PPFIA2: variants seen among roughly 807,000 people sequenced by gnomAD.
PPFIA2 encodes the protein PPFI scaffold protein A2.
Under a neutral mutation model 175.5 loss-of-function variants are expected in PPFIA2, and 46 were observed. The observed-to-expected ratio is 0.26, with a 90% CI of 0.21 to 0.34. PPFIA2 has a LOEUF of 0.34. Ranked by LOEUF, PPFIA2 falls within the 10% of genes least tolerant of loss-of-function variation. PPFIA2 has a pLI of 1.00. For synonymous variants in PPFIA2, 568 were observed against 511.4 expected, an observed-to-expected ratio of 1.11 and a Z score of -1.49; for missense variants, 1,179 against 1,506.1, an observed-to-expected ratio of 0.78 and a Z score of 3.60.
At position 81,347,565 on chromosome 12, in the gene PPFIA2, T is replaced by C. The variant is rs1252146117; in HGVS notation, c.2200A>G (p.Arg734Gly). ...ATGACTCCCATCCGATCCATTTCCCTGGCAGGGCTTCGAGGGGTGAGCTTT... is the reference window on the plus strand; with the variant it reads ...ATGACTCCCATCCGATCCATTTCCCCGGCAGGGCTTCGAGGGGTGAGCTTT... ...TPKLTPRSPA[R>G]EMDRMGVMTL... Residue 734 changes from arginine (R) to glycine (G), a missense_variant, in exon 18 of 33, where the codon AGG becomes GGG. Transcript: ENST00000549396. The C allele has an allele frequency of 6.2e-7, 1 of 1,612,652 alleles. No individual in the cohort carries two copies. Among genetic ancestry groups the C allele is most frequent in the African/African-American group, 1.3e-5 (1 of 74,886 alleles).
At chr12:81,668,044 T>C (rs986851019) in intron 4 of PPFIA2, among the ~76,000 whole-genome samples, 2 of 152,080 alleles carry the variant, frequency 1.3e-5, no homozygotes, top group African/African-American at 2.4e-5. Context: ...TAGAGGATTC[T>C]TTGGAGGTCC....
chr12:81,347,463 C>G, intron 18 of PPFIA2, 70 bp downstream of exon 18: 2 of 1,297,378 alleles, frequency 1.5e-6, no homozygotes, highest in Non-Finnish European at 2.2e-6. Context: ...AACAAACACC[C>G]AGTTAAGTTT....
At chr12:81,676,418 T>C (rs1404863310) in intron 4 of PPFIA2, among the ~76,000 whole-genome samples, 1 of 152,052 alleles carries the variant, frequency 6.6e-6, no homozygotes, top group Non-Finnish European at 1.5e-5. Context: ...GAGTCAATAC[T>C]ATTTATCACA....
intron 4 of PPFIA2, among the ~76,000 whole-genome samples, chr12:81,499,633 T>C (rs1368503977): frequency 6.6e-6 from 1 of 151,810 alleles, no homozygotes; most frequent in Non-Finnish European, 1.5e-5. Flanking sequence ...AAGTATCATT[T>C]TCTCTATTTG....
At chr12:81,387,283 T>C (rs1444632928) in intron 8 of PPFIA2, among the ~76,000 whole-genome samples, 1 of 152,112 alleles carries the variant, frequency 6.6e-6, no homozygotes, top group Admixed American at 6.6e-5. Context: ...ACTGATAAAG[T>C]TTTTAGTGTT....
chr12:81,671,989 C>A (rs141623152), intron 4 of PPFIA2, among the ~76,000 whole-genome samples: 1 of 151,762 alleles, frequency 6.6e-6, no homozygotes, highest in African/African-American at 2.4e-5. Context: ...TTGGTTTTTG[C>A]CAAACTGTTC....
intron 5 of PPFIA2, among the ~76,000 whole-genome samples, chr12:81,456,592 T>C (rs991043960): frequency 5.3e-5 from 8 of 152,214 alleles, no homozygotes; most frequent in African/African-American, 1.7e-4. Flanking sequence ...TGATCTATTA[T>C]AGCTATAACA....
At chr12:81,267,418 G>A (rs1304671642) in intron 29 of PPFIA2, among the ~76,000 whole-genome samples, 1 of 152,148 alleles carries the variant, frequency 6.6e-6, no homozygotes, top group South Asian at 2.1e-4. Context: ...TTTGAGGAAA[G>A]TTTTGATAAT....
chr12:81,339,032 C>T, intron 21 of PPFIA2, 148 bp downstream of exon 21: 1 of 715,456 alleles, frequency 1.4e-6, no homozygotes, highest in Non-Finnish European at 2.1e-6. Flanking sequence ...CTAAATTGAA[C>T]ATTTAAAGCT....
intron 7 of PPFIA2, among the ~76,000 whole-genome samples, chr12:81,414,928 T>A (rs1437303904): frequency 6.6e-6 from 1 of 150,994 alleles, no homozygotes; most frequent in East Asian, 1.9e-4. Context: ...AGTAACTATT[T>A]CCTTTTCTAG....
intron 6 of PPFIA2, among the ~76,000 whole-genome samples, 156 bp from the exon 7 acceptor site, chr12:81,440,202 C>A (rs2049907757): frequency 6.6e-6 from 1 of 152,088 alleles, no homozygotes; most frequent in African/African-American, 2.4e-5. Context: ...GGCAGAAATA[C>A]AATGAATGCA....
chr12:81,595,789 C>G (rs118062561), intron 4 of PPFIA2, among the ~76,000 whole-genome samples: 53 of 152,142 alleles, frequency 3.5e-4, no homozygotes, highest in Non-Finnish European at 6.6e-4. Context: ...TGATAGCATA[C>G]CATGTCAGAA....
At chr12:81,695,503 T>G (rs1413642383) in intron 3 of PPFIA2, among the ~76,000 whole-genome samples, 1 of 152,124 alleles carries the variant, frequency 6.6e-6, no homozygotes, top group Non-Finnish European at 1.5e-5. Flanking sequence ...TGAGGCTTCT[T>G]CAGAAGCCAA....
At chr12:81,630,736 C>T (rs573696055) in intron 4 of PPFIA2, among the ~76,000 whole-genome samples, 9 of 152,102 alleles carry the variant, frequency 5.9e-5, no homozygotes, top group African/African-American at 2.2e-4. Context: ...AGGCTAATTT[C>T]TACGGTAGCT....
At chr12:81,395,647 G>T (rs2040991316) in intron 8 of PPFIA2, among the ~76,000 whole-genome samples, 1 of 152,010 alleles carries the variant, frequency 6.6e-6, no homozygotes, top group Middle Eastern at 3.2e-3. Context: ...CAGGAATCCT[G>T]TCAGATTAAC....
chr12:81,603,040 C>A (rs1044380809), intron 4 of PPFIA2, among the ~76,000 whole-genome samples: 2 of 151,718 alleles, frequency 1.3e-5, no homozygotes, highest in Non-Finnish European at 2.9e-5. Flanking sequence ...CATTTCTAAT[C>A]AATATAATCA....
intron 22 of PPFIA2, among the ~76,000 whole-genome samples, chr12:81,314,351 C>G (rs1237596230): frequency 6.6e-6 from 1 of 151,774 alleles, no homozygotes. Flanking sequence ...ATTTTTCTCT[C>G]CATGTCAGAA....
At chr12:81,563,572 G>A (rs893552421) in intron 4 of PPFIA2, among the ~76,000 whole-genome samples, 3 of 152,140 alleles carry the variant, frequency 2.0e-5, no homozygotes, top group African/African-American at 7.2e-5. Flanking sequence ...GACATAATAT[G>A]TGACATAATA....
At position 81,344,685 on chromosome 12, in the gene PPFIA2, A is replaced by G; in HGVS notation, c.2241T>C (p.Asp747=). 6.4e-7 allele frequency: 1 copy of G among 1,555,980 alleles called. No individual in the cohort carries two copies. The highest frequency in any genetic ancestry group is 8.7e-7 in the Non-Finnish European group (1 of 1,145,108). ...GTACCTTTCTCCGATGTTTCCTCAG[A>G]TCACTTGGCTGTGATTGGCAGTAAT... is the stretch of plus-strand genomic sequence containing the variant. ...DRMGVMTLPS[D]LRKHRRKIAV... is the part of the protein sequence containing the mutation. Residue 747 remains aspartate (D), a synonymous_variant, in exon 19 of 33, where the codon GAT becomes GAC. Coordinates refer to ENST00000549396, the MANE Select transcript of PPFIA2 (RefSeq NM_003625.5).
Sources: allele counts gnomAD v4.1 joint callset (sites outside exome capture counted in the v4.1 genomes callset), GRCh38; gene constraint gnomAD v4.1.1; transcripts MANE v1.5; gene names NCBI Gene and HGNC (gene_info 2026-07-23, HGNC 2026-07-21).